MTMR9: variants seen among roughly 807,000 people sequenced by gnomAD.
The protein encoded by MTMR9 is myotubularin related protein 9.
Under a neutral mutation model 69.5 loss-of-function variants are expected in MTMR9, and 39 were observed. The observed-to-expected ratio is 0.56, with a 90% CI of 0.43 to 0.73. The LOEUF (loss-of-function observed/expected upper bound fraction) is 0.73. Among genes scored for constraint, MTMR9 ranks in the 30% least tolerant of loss-of-function variants. MTMR9 has a pLI of 0.00. For missense variants in MTMR9, 900 were observed against 671.2 expected (o/e 1.34, Z -3.77); for synonymous variants, 354 against 240.8 (o/e 1.47, Z -4.35).
chr8:11,331,573 G>C (rs762287050), downstream of MTMR9: 12 of 1,613,764 alleles, frequency 7.4e-6, no homozygotes, highest in Non-Finnish European at 1.0e-5. Context: ...GGTCTCGGTG[G>C]CTACGAGTGG....
chr8:11,318,665 C>G (rs900918251), intron 8 of MTMR9: 3 of 152,156 alleles, frequency 2.0e-5, no homozygotes, highest in Admixed American at 2.0e-4. Context: ...CCTTCTCTAA[C>G]AGTTTATTCA....
chr8:11,299,823 A>G (rs1164176784), intron 2 of MTMR9, among the ~76,000 whole-genome samples, 200 bp from the exon 3 acceptor site: 1 of 97,668 alleles, frequency 1.0e-5, no homozygotes, highest in Non-Finnish European at 2.1e-5. Context: ...TATGTGGCAG[A>G]TGCCTTTGTT....
At chr8:11,292,762 G>A (rs1799414353) in intron 1 of MTMR9, among the ~76,000 whole-genome samples, 1 of 152,122 alleles carries the variant, frequency 6.6e-6, no homozygotes, top group East Asian at 1.9e-4. Flanking sequence ...TTATATATAT[G>A]ATGGTAGTCC....
chr8:11,295,227 A>T lies in MTMR9; in HGVS notation c.216A>T (p.Lys72Asn). Residue 72 changes from lysine to asparagine, a missense_variant, in exon 2 of 10, where the codon AAA becomes AAT. By Grantham distance (94) the Lys-to-Asn change is moderately conservative (BLOSUM62 0). Transcript: ENST00000221086. ...GATCACTGGGTACCATCATCATAAA[A>T]TGTAAAGATTTTCGAATTATTCAGT... ...FVGSLGTIII[K>N]CKDFRIIQLD... 1 of 1,611,212 alleles carries T rather than the reference A, an allele frequency of 6.2e-7. No individual in the cohort carries two copies. The highest frequency in any genetic ancestry group is 1.7e-4 in the Middle Eastern group (1 of 6,030).
intron 3 of MTMR9, among the ~76,000 whole-genome samples, chr8:11,304,256 C>T (rs759967320): frequency 7.2e-5 from 11 of 152,112 alleles, no homozygotes; most frequent in Non-Finnish European, 1.6e-4. Context: ...AATCTTAGTA[C>T]ATTTTTTACC....
In MTMR9 at chr8:11,303,456, G is replaced by T. The variant is rs1434315095; in HGVS notation, c.418-1385G>T. ...TGATTGCCTTTGGGGAAAGCAAATT[G>T]GGATGGGCTAGCAAGGAACAGATAA... On this transcript the variant is annotated intron_variant, in intron 3 of 9. Coordinates refer to ENST00000221086, the MANE Select transcript of MTMR9 (RefSeq NM_015458.4). Among the ~76,000 whole-genome samples, 4 of 151,946 alleles carry T rather than the reference G, an allele frequency of 2.6e-5. No individual in the cohort carries two copies. In the East Asian group the frequency reaches 7.7e-4, roughly 29 times the overall value.
rs993558422 is a variant in MTMR9 at position 11,323,630 on chromosome 8, C to A, written c.*842C>A. On this transcript the variant is annotated 3_prime_UTR_variant, in exon 10 of 10. Coordinates refer to ENST00000221086, the MANE Select transcript of MTMR9 (RefSeq NM_015458.4). The stretch of plus-strand genomic sequence containing the variant: ...TAGAATAGAGTTAATTTATTATAAT[C>A]AAGCTACAAATAGGTTTTCTTAAAC... 6.6e-6 allele frequency: 1 copy of A among 152,176 alleles called. No homozygotes were observed. Among genetic ancestry groups the A allele is most frequent in the African/African-American group, 2.4e-5 (1 of 41,440 alleles). The allele number at this position is 152,176 out of a possible 1,614,324, so 9.4% of individuals were successfully genotyped here.
chr8:11,337,268 A>T, the MTMR9 span, among the ~76,000 whole-genome samples: 2 of 152,220 alleles, frequency 1.3e-5, no homozygotes, highest in Non-Finnish European at 2.9e-5. Flanking sequence ...TCTAAGAAGT[A>T]TACTCAAATG....
the MTMR9 span, among the ~76,000 whole-genome samples, chr8:11,337,440 C>T: frequency 6.6e-6 from 1 of 152,134 alleles, no homozygotes; most frequent in African/African-American, 2.4e-5. Flanking sequence ...TTGGCAGGGC[C>T]CTGAATTTTT....
At chr8:11,314,756 TTA>T (rs2117439627) in intron 6 of MTMR9, among the ~76,000 whole-genome samples, 165 bp from the exon 7 acceptor site, 1 of 152,308 alleles carries the variant, frequency 6.6e-6, no homozygotes, top group Non-Finnish European at 1.5e-5. Flanking sequence ...AGATTTAGAT[TTA>T]GATTCTGAAC....
Position 11,284,842 on chromosome 8 carries a change from C to A in MTMR9, c.-47C>A. On this transcript the variant is annotated 5_prime_UTR_variant, in exon 1 of 10. Transcript: ENST00000221086. ...CTACTTCCCTGCGGCGGGGTAACCG[C>A]CTCGCACCTACCGGGCTCGGTTCCC... 3 of 1,537,140 alleles carry A rather than the reference C, an allele frequency of 2.0e-6. No homozygotes were observed. Among genetic ancestry groups the A allele is most frequent in the Non-Finnish European group, 2.6e-6 (3 of 1,136,992 alleles).
chr8:11,287,891 A>G (rs1799232817), intron 1 of MTMR9, among the ~76,000 whole-genome samples: 1 of 128,232 alleles, frequency 7.8e-6, no homozygotes, highest in Non-Finnish European at 1.6e-5. Context: ...CATATATAAT[A>G]CGTATTATAT....
chr8:11,319,617 C>A (rs2251473), intron 8 of MTMR9, 70 bp from the exon 9 acceptor site: 735,482 of 1,498,774 alleles, frequency 0.49, 190,121 homozygotes, highest in East Asian at 0.97. Context: ...AAATTGTCCT[C>A]GTAAGAGGAG....
downstream of MTMR9, among the ~76,000 whole-genome samples, chr8:11,329,305 A>T (rs1306977937): frequency 1.3e-5 from 2 of 152,318 alleles, no homozygotes; most frequent in Middle Eastern, 3.4e-3. Flanking sequence ...GAGTGGGAAG[A>T]TCACTTGAGC....
At chr8:11,286,185 C>T (rs1799148720) in intron 1 of MTMR9, among the ~76,000 whole-genome samples, 1 of 151,716 alleles carries the variant, frequency 6.6e-6, no homozygotes, top group Non-Finnish European at 1.5e-5. Context: ...AACTCCTGAC[C>T]TCGCAATCCT....
intron 1 of MTMR9, among the ~76,000 whole-genome samples, chr8:11,289,442 C>G (rs952355269): frequency 6.6e-6 from 1 of 151,742 alleles, no homozygotes; most frequent in Non-Finnish European, 1.5e-5. Flanking sequence ...TTATTTGATC[C>G]TTTCAACATG....
chr8:11,322,870 C>A lies in MTMR9; in HGVS notation c.*82C>A. On this transcript the variant is annotated 3_prime_UTR_variant, in exon 10 of 10. Transcript: ENST00000221086. The stretch of plus-strand genomic sequence containing the variant: ...CCTTGTGCCCTTCAGTTCACTTTTA[C>A]ACGGTAGCCTTGAAGTGAAGGCTTT... The A allele has an allele frequency of 7.5e-7, 1 of 1,330,188 alleles. No homozygotes were observed. Among genetic ancestry groups the A allele is most frequent in the Non-Finnish European group, 1.0e-6 (1 of 962,506 alleles). The allele number at this position is 1,330,188 out of a possible 1,614,324, so 82.4% of individuals were successfully genotyped here. A position where few individuals can be genotyped will look rare whatever the true frequency, so the allele number is the denominator to read the frequency against.
chr8:11,313,519 A>G (rs1800289558), intron 6 of MTMR9, among the ~76,000 whole-genome samples: 3 of 152,206 alleles, frequency 2.0e-5, no homozygotes, highest in Admixed American at 6.5e-5. Flanking sequence ...TTCCTCACTA[A>G]GCTTAATCAT....
At chr8:11,334,030 T>C in the MTMR9 span, among the ~76,000 whole-genome samples, 2 of 152,198 alleles carry the variant, frequency 1.3e-5, no homozygotes, top group African/African-American at 4.8e-5. Context: ...CCGGTCCTTT[T>C]CTGTCTCACA....
Sources: allele counts gnomAD v4.1 joint callset (sites outside exome capture counted in the v4.1 genomes callset), GRCh38; gene constraint gnomAD v4.1.1; transcripts MANE v1.5; gene names NCBI Gene and HGNC (gene_info 2026-07-23, HGNC 2026-07-21).